Variants in KDM4C observed in about 807,000 individuals in gnomAD.
The protein encoded by KDM4C is lysine-specific demethylase 4C.
KDM4C carries 81 observed loss-of-function variants against 129.3 expected under a neutral mutation model. That is an observed-to-expected ratio of 0.63 (90% CI 0.52 to 0.75). The LOEUF (loss-of-function observed/expected upper bound fraction) is 0.75, where lower values mean the gene tolerates loss of function less well. Ranked by LOEUF, KDM4C falls within the 30% of genes least tolerant of loss-of-function variation. The pLI, the probability that KDM4C is intolerant of heterozygous loss-of-function variation, is 0.00. For missense variants in KDM4C, 1,457 were observed against 1,304.0 expected, an observed-to-expected ratio of 1.12 and a Z score of -1.81; for synonymous variants, 573 against 456.1, an observed-to-expected ratio of 1.26 and a Z score of -3.26.
At chr9:6,802,056 C>T (rs1469684144) in intron 2 of KDM4C, among the ~76,000 whole-genome samples, 2 of 150,296 alleles carry the variant, frequency 1.3e-5, no homozygotes, top group African/African-American at 4.9e-5. Flanking sequence ...AGTGAGCTGA[C>T]ATCGCGCCAT....
chr9:6,754,191 T>C (rs140275261), upstream of KDM4C, among the ~76,000 whole-genome samples: 38 of 151,650 alleles, frequency 2.5e-4, no homozygotes, highest in Admixed American at 1.2e-3. Flanking sequence ...CAATTCTGTA[T>C]ATTTGTTTTG....
At chr9:6,724,592 A>G (rs1218298009) in intron 1 of KDM4C, among the ~76,000 whole-genome samples, 1 of 152,046 alleles carries the variant, frequency 6.6e-6, no homozygotes, top group African/African-American at 2.4e-5. Flanking sequence ...GTGCAGTGGC[A>G]CGATCTCGGC....
At chr9:7,032,860 T>C (rs1827007245) in intron 15 of KDM4C, among the ~76,000 whole-genome samples, 1 of 152,212 alleles carries the variant, frequency 6.6e-6, no homozygotes. Flanking sequence ...CTTCTGGCGT[T>C]ACTGGTTTTC....
At chr9:6,738,135 AAAACTAAACT>A (rs200468678) in intron 1 of KDM4C, among the ~76,000 whole-genome samples, 51,170 of 141,980 alleles carry the variant, frequency 0.36, 9,508 homozygotes, top group East Asian at 0.49. Context: ...CTCCCTCTCA[AAAACTAAACT>A]AAACTAAACT....
At chr9:6,958,933 C>T (rs1208304282) in intron 8 of KDM4C, among the ~76,000 whole-genome samples, 3 of 152,112 alleles carry the variant, frequency 2.0e-5, no homozygotes, top group African/African-American at 7.2e-5. Context: ...CAGGCGTGAG[C>T]CACCATGCCC....
chr9:7,015,797 C>T lies in KDM4C; in HGVS notation c.2183-56C>T, dbSNP rs553751764. ...TTATTTATTTCAGTACTGAGATCTG[C>T]AATATTTTAAAGGTGAAAAAGACCT... On this transcript the variant is annotated intron_variant, in intron 14 of 21. Transcript: ENST00000381309. 8.6e-5 allele frequency: 101 copies of T among 1,172,800 alleles called. No homozygotes were observed. In the South Asian group the frequency reaches 1.2e-3, roughly 14 times the overall value. The allele number at this position is 1,172,800 out of a possible 1,614,324, so 72.6% of individuals were successfully genotyped here.
chr9:7,150,495 C>A (rs921477771), intron 19 of KDM4C, among the ~76,000 whole-genome samples: 1 of 152,206 alleles, frequency 6.6e-6, no homozygotes, highest in African/African-American at 2.4e-5. Flanking sequence ...CCAGCTGGAT[C>A]TGAATCCTTG....
At chr9:6,942,593 C>G (rs1036626652) in intron 8 of KDM4C, 3 of 152,174 alleles carry the variant, frequency 2.0e-5, no homozygotes, top group African/African-American at 7.2e-5. Context: ...ATAGGCTGTT[C>G]CATGTGTGCT....
At chr9:6,845,362 G>C (rs1371660323) in intron 4 of KDM4C, among the ~76,000 whole-genome samples, 2 of 152,122 alleles carry the variant, frequency 1.3e-5, no homozygotes, top group African/African-American at 4.8e-5. Flanking sequence ...TTACAGGCGT[G>C]AGGCACCACA....
rs1305444456 is a variant in KDM4C at position 7,157,237 on chromosome 9, C to T, written c.2782-8001C>T. Among the ~76,000 whole-genome samples, 11 of 152,278 alleles carry T rather than the reference C, an allele frequency of 7.2e-5. No homozygotes were observed. In the East Asian group the frequency reaches 2.1e-3, roughly 29 times the overall value. ...AGACTTTGCTGAAGTTGCTTATCAG[C>T]TTAAGGAGATTTTGGGCTGAGATGA... On this transcript the variant is annotated intron_variant, in intron 19 of 21. Coordinates refer to ENST00000381309, the MANE Select transcript of KDM4C (RefSeq NM_015061.6).
At chr9:6,904,245 A>C (rs1248066283) in intron 8 of KDM4C, among the ~76,000 whole-genome samples, 3 of 152,078 alleles carry the variant, frequency 2.0e-5, no homozygotes, top group East Asian at 3.9e-4. Flanking sequence ...TCTCAAAAAA[A>C]AGAAAAAAAA....
intron 8 of KDM4C, among the ~76,000 whole-genome samples, chr9:6,918,966 C>G (rs934193721): frequency 1.3e-5 from 2 of 152,116 alleles, no homozygotes; most frequent in Non-Finnish European, 2.9e-5. Flanking sequence ...ATTCTCCTGC[C>G]TCAGCCTTCC....
At chr9:7,050,494 A>G (rs978673963) in intron 17 of KDM4C, among the ~76,000 whole-genome samples, 1 of 145,724 alleles carries the variant, frequency 6.9e-6, no homozygotes, top group African/African-American at 2.5e-5. Context: ...AAGAATTAGG[A>G]CTATAAGATA....
At chr9:6,860,386 T>A (rs1840706165) in intron 5 of KDM4C, among the ~76,000 whole-genome samples, 1 of 152,178 alleles carries the variant, frequency 6.6e-6, no homozygotes. Context: ...AGTTGGTGAT[T>A]TTTAATTAGA....
At chr9:6,867,936 T>C (rs1842302283) in intron 5 of KDM4C, among the ~76,000 whole-genome samples, 1 of 152,234 alleles carries the variant, frequency 6.6e-6, no homozygotes, top group East Asian at 1.9e-4. Flanking sequence ...AGAACCCTTA[T>C]GTATCAACCA....
At chr9:7,124,413 T>G (rs934698345) in intron 18 of KDM4C, among the ~76,000 whole-genome samples, 2 of 152,226 alleles carry the variant, frequency 1.3e-5, no homozygotes, top group Non-Finnish European at 2.9e-5. Context: ...GGCCACTGTC[T>G]GTGGCCACAC....
chr9:7,077,776 T>A (rs761451327), intron 17 of KDM4C, among the ~76,000 whole-genome samples: 21 of 152,182 alleles, frequency 1.4e-4, no homozygotes, highest in Non-Finnish European at 2.1e-4. Context: ...GCACCACATT[T>A]TCAACTTGCA....
rs533816116 is a variant in KDM4C at position 6,800,972 on chromosome 9, T to A, written c.145-4627T>A. ...AACATACGTTGGAGGATATAAAATA[T>A]GTAGTATCCTTATATTGCTAATGAA... On this transcript the variant is annotated intron_variant, in intron 2 of 21. Transcript: ENST00000381309. 2.6e-5 allele frequency among the ~76,000 whole-genome samples: 4 copies of A among 152,246 alleles called. No homozygotes were observed. In the East Asian group the frequency reaches 7.7e-4, roughly 29 times the overall value.
At chr9:6,757,709 G>C (rs1818472288), upstream of KDM4C, 2 of 985,464 alleles carry the variant, frequency 2.0e-6, no homozygotes, top group Non-Finnish European at 2.4e-6. Context: ...AGCCCTGCGG[G>C]ACCCCAGCCA....
Sources: gnomAD v4.1 joint callset for allele counts (sites outside exome capture counted in the v4.1 genomes callset) on GRCh38, gnomAD v4.1.1 for gene constraint, MANE v1.5 for transcripts, NCBI Gene and HGNC (gene_info 2026-07-23, HGNC 2026-07-21) for gene names.